Variants in CACNA1E observed in about 807,000 individuals in gnomAD.
CACNA1E encodes calcium voltage-gated channel subunit alpha1 E.
In CACNA1E, 40 loss-of-function variants were observed where a neutral mutation model predicts 259.2. That is an observed-to-expected ratio of 0.15 (90% confidence interval 0.12 to 0.20). The LOEUF is 0.20. CACNA1E is among the 10% of genes least tolerant of loss of function. CACNA1E has a pLI of 1.00. For missense variants in CACNA1E, 1,874 were observed against 3,040.1 expected, an observed-to-expected ratio of 0.62 and a Z score of 9.02; for synonymous variants, 1,104 against 1,138.5, an observed-to-expected ratio of 0.97 and a Z score of 0.61.
At chr1:181,549,120 G>A (rs1647846131) in intron 3 of CACNA1E, among the ~76,000 whole-genome samples, 1 of 152,214 alleles carries the variant, frequency 6.6e-6, no homozygotes, top group Admixed American at 6.5e-5. Context: ...GCCCCATAAA[G>A]GAAAGTAGCC....
At chr1:181,601,333 T>C (rs998796658) in intron 6 of CACNA1E, among the ~76,000 whole-genome samples, 3 of 152,216 alleles carry the variant, frequency 2.0e-5, no homozygotes, top group Admixed American at 1.3e-4. Flanking sequence ...ATTGAGGGCC[T>C]GCCATGTGCT....
At position 181,509,629 on chromosome 1, in the gene CACNA1E, C is replaced by T. The variant is rs925106423; in HGVS notation, c.267-848C>T. 3.3e-5 allele frequency among the ~76,000 whole-genome samples: 5 copies of T among 152,184 alleles called. 1 individual carries two copies. Among genetic ancestry groups the T allele is most frequent in the African/African-American group, 2.4e-5 (1 of 41,450 alleles). On this transcript the variant is annotated intron_variant, in intron 1 of 47. Transcript: ENST00000367573. ...TCTTCTGAGAGTCCTTCCCACCTCC[C>T]TCGGAGCATGTGGCAAAACCTTCCT...
chr1:181,372,895 C>G (rs577514343), intron 1 of CACNA1E, among the ~76,000 whole-genome samples: 92 of 150,980 alleles, frequency 6.1e-4, no homozygotes, highest in Admixed American at 2.2e-3. Context: ...TTGAGATGAT[C>G]ATGTGGGTTT....
Position 181,805,001 on chromosome 1 carries a change from C to G in CACNA1E, c.*6167C>G, listed in dbSNP as rs1558419486. 2.0e-5 allele frequency: 3 copies of G among 150,904 alleles called. No individual in the cohort carries two copies. Among genetic ancestry groups the G allele is most frequent in the African/African-American group, 7.3e-5 (3 of 41,082 alleles). The allele number at this position is 150,904 out of a possible 1,614,324, so 9.3% of individuals were successfully genotyped here. On this transcript the variant is annotated 3_prime_UTR_variant, in exon 48 of 48. Transcript: ENST00000367573. Reference sequence around the variant, plus strand: ...TCATGATCTGAGCTTCCTTATGTCTCCTTCTCTTTGTGCAAACTTAAACCA... The same window carrying G: ...TCATGATCTGAGCTTCCTTATGTCTGCTTCTCTTTGTGCAAACTTAAACCA...
At chr1:181,491,084 A>G (rs1352372495) in intron 1 of CACNA1E, among the ~76,000 whole-genome samples, 3 of 152,208 alleles carry the variant, frequency 2.0e-5, no homozygotes, top group African/African-American at 7.2e-5. Context: ...GTCTCATGGG[A>G]CTGGTCAGAG....
At chr1:181,634,993 A>G (rs577298906) in intron 6 of CACNA1E, among the ~76,000 whole-genome samples, 19 of 152,320 alleles carry the variant, frequency 1.2e-4, no homozygotes, top group African/African-American at 4.3e-4. Context: ...CATCCTAGCC[A>G]GACTTGGTTA....
At position 181,745,378 on chromosome 1, in the gene CACNA1E, G is replaced by A. The variant is rs781498290; in HGVS notation, c.3720-5098G>A. 6.1e-6 allele frequency: 3 copies of A among 494,384 alleles called. No individual in the cohort carries two copies. In the East Asian group the frequency reaches 1.7e-4, roughly 28 times the overall value. The allele number at this position is 494,384 out of a possible 1,614,324, so 30.6% of individuals were successfully genotyped here. On this transcript the variant is annotated intron_variant, in intron 25 of 47. Transcript: ENST00000367573. Reference sequence around the variant, plus strand: ...GCATGAAATTGGGAGATGGTTGGTTGTAAATGGGATCTCAGCCCGTGGCCA... The same window carrying A: ...GCATGAAATTGGGAGATGGTTGGTTATAAATGGGATCTCAGCCCGTGGCCA...
At chr1:181,421,204 GA>G (rs1658714846) in intron 2 of CACNA1E, among the ~76,000 whole-genome samples, 2 of 152,210 alleles carry the variant, frequency 1.3e-5, no homozygotes, top group African/African-American at 4.8e-5. Context: ...TAAATGACGG[GA>G]ACTCAGTTCA....
At chr1:181,358,410 G>A (rs995663265) in intron 1 of CACNA1E, among the ~76,000 whole-genome samples, 14 of 152,146 alleles carry the variant, frequency 9.2e-5, no homozygotes, top group African/African-American at 3.4e-4. Context: ...GATTTGTATT[G>A]ATTTCTATTC....
intron 6 of CACNA1E, among the ~76,000 whole-genome samples, chr1:181,601,096 G>A (rs946364785): frequency 1.1e-4 from 16 of 152,070 alleles, no homozygotes; most frequent in African/African-American, 3.9e-4. Flanking sequence ...TGCCATAGGG[G>A]ATGAAAATAG....
Position 181,373,650 on chromosome 1 carries a change from G to T in CACNA1E, c.-14-39483G>T, listed in dbSNP as rs576849999. 3.7e-3 allele frequency among the ~76,000 whole-genome samples: 549 copies of T among 149,390 alleles called. 4 individuals are homozygous for T. Among genetic ancestry groups the T allele is most frequent in the African/African-American group, 0.013 (525 of 40,594 alleles). On this transcript the variant is annotated intron_variant, in intron 1 of 11. Transcript: ENST00000524607. ...CCTCCCGGGTTCACGCCATTCTCCT[G>T]CCTCAGCCTCCCAAGTAGCTGGGAC...
intron 8 of CACNA1E, among the ~76,000 whole-genome samples, chr1:181,713,410 C>A (rs1383104466): frequency 6.6e-6 from 1 of 152,154 alleles, no homozygotes; most frequent in African/African-American, 2.4e-5. Context: ...AGTGCCCCAC[C>A]AATAACACTT....
chr1:181,740,676 T>C (rs941122914), intron 25 of CACNA1E, among the ~76,000 whole-genome samples: 1 of 152,208 alleles, frequency 6.6e-6, no homozygotes, highest in African/African-American at 2.4e-5. Flanking sequence ...ACATTGAGCA[T>C]AGTTTGTGAC....
intron 46 of CACNA1E, 128 bp from the exon 47 acceptor site, chr1:181,796,540 A>G (rs1661821737): frequency 5.1e-6 from 3 of 590,974 alleles, no homozygotes; most frequent in Non-Finnish European, 8.5e-6. Flanking sequence ...TTGGGGGGGG[A>G]CACAAACATG....
chr1:181,367,476 G>A (rs1454972661), intron 1 of CACNA1E, among the ~76,000 whole-genome samples: 2 of 151,044 alleles, frequency 1.3e-5, no homozygotes, highest in African/African-American at 4.8e-5. Context: ...CATTGGAGTT[G>A]TAGAAGAAAT....
rs1478939826 is a variant in CACNA1E, at chr1:181,772,278, T to TAC, written c.5139+48_5139+49dup. On this transcript the variant is annotated intron_variant, in intron 37 of 47. Transcript: ENST00000367573. ...CCTTGCTATGTGGCCCATCCCATCC[T>TAC]ACCCCTAACCCTCTGATACATAGAC... The TAC allele has an allele frequency of 1.9e-6, 3 of 1,571,496 alleles. No individual in the cohort carries two copies. The East Asian group carries it at 6.7e-5, about 35-fold the overall frequency.
intron 6 of CACNA1E, among the ~76,000 whole-genome samples, chr1:181,602,299 A>G (rs1162533366): frequency 1.3e-5 from 2 of 152,240 alleles, no homozygotes; most frequent in Non-Finnish European, 2.9e-5. Flanking sequence ...GAAGGTAAGT[A>G]CAGATTGAGT....
intron 6 of CACNA1E, among the ~76,000 whole-genome samples, chr1:181,583,690 C>T (rs1651778673): frequency 6.6e-6 from 1 of 152,140 alleles, no homozygotes. Context: ...TGGCTTTTCT[C>T]ATTATAATGA....
chr1:181,438,212 A>G (rs1487334207), intron 2 of CACNA1E, among the ~76,000 whole-genome samples: 1 of 152,198 alleles, frequency 6.6e-6, no homozygotes, highest in African/African-American at 2.4e-5. Flanking sequence ...CATGATATGC[A>G]CGGCCACTTC....
Sources: allele counts gnomAD v4.1 joint callset (sites outside exome capture counted in the v4.1 genomes callset), GRCh38; gene constraint gnomAD v4.1.1; transcripts MANE v1.5; gene names NCBI Gene and HGNC (gene_info 2026-07-23, HGNC 2026-07-21).